The following NDST3 variants were observed in gnomAD, a reference collection of about 807,000 sequenced individuals.
NDST3 encodes bifunctional heparan sulfate N-deacetylase/N-sulfotransferase 3.
In NDST3, 58 loss-of-function variants were observed where a neutral mutation model predicts 96.1. The ratio of observed to expected loss-of-function variants is 0.60; its 90% CI spans 0.49 to 0.75. NDST3 has a LOEUF of 0.75. Among genes scored for constraint, NDST3 ranks in the 30% least tolerant of loss-of-function variants. NDST3 has a pLI of 0.00. For synonymous variants in NDST3, 333 were observed against 359.7 expected, an observed-to-expected ratio of 0.93 and a Z score of 0.84; for missense variants, 788 against 1,034.2, an observed-to-expected ratio of 0.76 and a Z score of 3.27.
intron 6 of NDST3, among the ~76,000 whole-genome samples, chr4:118,193,215 C>A (rs1460396236): frequency 6.6e-6 from 1 of 152,098 alleles, no homozygotes; most frequent in African/African-American, 2.4e-5. Context: ...GGGGTGACAC[C>A]ACCTAAAATG....
At chr4:118,237,414 ATTAAC>A (rs1470989990) in intron 10 of NDST3, among the ~76,000 whole-genome samples, 194 bp downstream of exon 10, 4 of 152,214 alleles carry the variant, frequency 2.6e-5, no homozygotes, top group Non-Finnish European at 5.9e-5. Flanking sequence ...TTCTTATTTT[ATTAAC>A]TTAATCAATT....
At chr4:118,081,520 G>C (rs1248442446) in intron 2 of NDST3, among the ~76,000 whole-genome samples, 3 of 152,078 alleles carry the variant, frequency 2.0e-5, no homozygotes, top group Non-Finnish European at 4.4e-5. Flanking sequence ...ATGAAAATAT[G>C]TGTGACAAGA....
At chr4:118,156,226 A>T (rs956911278) in intron 6 of NDST3, among the ~76,000 whole-genome samples, 25 of 152,292 alleles carry the variant, frequency 1.6e-4, no homozygotes, top group African/African-American at 6.0e-4. Context: ...TCTATGTCTT[A>T]AAGTGCTATC....
intron 6 of NDST3, among the ~76,000 whole-genome samples, chr4:118,174,254 T>C (rs1000540449): frequency 3.3e-5 from 5 of 152,170 alleles, no homozygotes; most frequent in Non-Finnish European, 5.9e-5. Flanking sequence ...TATGTTAAAC[T>C]AAACTTGATA....
intron 12 of NDST3, among the ~76,000 whole-genome samples, chr4:118,251,868 T>C (rs1360392164): frequency 6.6e-6 from 1 of 152,222 alleles, no homozygotes; most frequent in Non-Finnish European, 1.5e-5. Context: ...ACTGAATCTA[T>C]AGACAAATTT....
At chr4:118,134,547 A>G (rs1439465036) in intron 4 of NDST3, among the ~76,000 whole-genome samples, 4 of 152,222 alleles carry the variant, frequency 2.6e-5, no homozygotes, top group Non-Finnish European at 5.9e-5. Context: ...TATACCAGAG[A>G]TAGTACTGAT....
chr4:118,077,511 T>A (rs1727646153), intron 2 of NDST3, among the ~76,000 whole-genome samples: 1 of 152,090 alleles, frequency 6.6e-6, no homozygotes, highest in Non-Finnish European at 1.5e-5. Context: ...TGCTCCTGGG[T>A]CTTGGAAGAG....
chr4:118,198,677 CA>C (rs1737859647), intron 6 of NDST3, among the ~76,000 whole-genome samples: 1 of 152,012 alleles, frequency 6.6e-6, no homozygotes. Context: ...ATTTATTGCT[CA>C]TTAATGTCCT....
At chr4:118,083,348 C>T (rs947509314) in intron 2 of NDST3, among the ~76,000 whole-genome samples, 14 of 152,096 alleles carry the variant, frequency 9.2e-5, no homozygotes, top group African/African-American at 3.4e-4. Flanking sequence ...AACTCAATTT[C>T]CTCACCAGTA....
chr4:118,040,147 A>C (rs1032870766), intron 1 of NDST3, among the ~76,000 whole-genome samples: 7 of 152,200 alleles, frequency 4.6e-5, no homozygotes, highest in Non-Finnish European at 5.9e-5. Flanking sequence ...TCAGTTTTAG[A>C]CAGGTTAAGT....
chr4:118,069,356 C>T (rs952986013), intron 2 of NDST3, among the ~76,000 whole-genome samples: 3 of 151,512 alleles, frequency 2.0e-5, no homozygotes, highest in Admixed American at 1.3e-4. Context: ...GATAGAGTAC[C>T]CCATTAGGTG....
intron 4 of NDST3, among the ~76,000 whole-genome samples, chr4:118,133,792 T>C (rs1732840173): frequency 6.6e-6 from 1 of 152,138 alleles, no homozygotes. Context: ...ATTGAGAAAG[T>C]GAAAATTGGA....
Position 118,224,574 on chromosome 4 carries a change from G to T in NDST3, c.1623G>T (p.Val541=). 1 of 1,613,224 alleles carries T rather than the reference G, an allele frequency of 6.2e-7. No individual in the cohort carries two copies. The highest frequency in any genetic ancestry group is 8.5e-7 in the Non-Finnish European group (1 of 1,179,466). The part of the protein sequence containing the change: ...LYTFVNLANF[V]KSWTNLRLQT... ...CATTTGTTAATCTGGCCAACTTTGT[G>T]AAGAGCTGGACCAACCTGCGACTTC... Residue 541 remains valine (V), a synonymous_variant, in exon 7 of 14, where the codon GTG becomes GTT. Coordinates refer to ENST00000296499, the MANE Select transcript of NDST3 (RefSeq NM_004784.3).
intron 6 of NDST3, among the ~76,000 whole-genome samples, chr4:118,152,633 G>A (rs1486602593): frequency 1.3e-5 from 2 of 152,074 alleles, no homozygotes; most frequent in African/African-American, 4.8e-5. Flanking sequence ...AATGAGAAAT[G>A]CTAATATTAA....
chr4:118,196,459 T>C (rs1737695070), intron 6 of NDST3, among the ~76,000 whole-genome samples: 1 of 152,168 alleles, frequency 6.6e-6, no homozygotes, highest in Non-Finnish European at 1.5e-5. Flanking sequence ...TAATTCAGTA[T>C]TGAAGTCATT....
intron 6 of NDST3, among the ~76,000 whole-genome samples, chr4:118,174,680 A>G (rs1195309484): frequency 6.6e-6 from 1 of 152,148 alleles, no homozygotes; most frequent in Non-Finnish European, 1.5e-5. Flanking sequence ...TTTCCAAGAC[A>G]AGAAGACTCA....
chr4:118,077,042 T>C (rs1466431991), intron 2 of NDST3, among the ~76,000 whole-genome samples: 2 of 152,198 alleles, frequency 1.3e-5, no homozygotes, highest in East Asian at 1.9e-4. Flanking sequence ...TTCTGAAAGA[T>C]TTCAGGGGGC....
intron 2 of NDST3, among the ~76,000 whole-genome samples, chr4:118,096,268 G>A (rs13114895): frequency 0.75 from 114,087 of 151,522 alleles, 45,588 homozygotes; most frequent in South Asian, 0.92. Context: ...TTGAATGCAT[G>A]TCACTTTTAC....
At chr4:118,220,200 C>T (rs1284263184) in intron 6 of NDST3, among the ~76,000 whole-genome samples, 3 of 151,942 alleles carry the variant, frequency 2.0e-5, no homozygotes, top group African/African-American at 7.2e-5. Flanking sequence ...ACACGTGGAA[C>T]CAACCCAAAT....
Sources: allele counts gnomAD v4.1 joint callset (sites outside exome capture counted in the v4.1 genomes callset), GRCh38; gene constraint gnomAD v4.1.1; transcripts MANE v1.5; gene names NCBI Gene and HGNC (gene_info 2026-07-23, HGNC 2026-07-21).